The following UBE2H variants were observed in gnomAD, a reference collection of about 807,000 sequenced individuals.
UBE2H encodes ubiquitin-conjugating enzyme E2 H.
In UBE2H, 3 loss-of-function variants were observed where a neutral mutation model predicts 29.0. The ratio of observed to expected loss-of-function variants is 0.10; its 90% CI spans 0.05 to 0.27. The LOEUF (loss-of-function observed/expected upper bound fraction) is 0.27. Ranked by LOEUF, UBE2H falls within the 10% of genes least tolerant of loss-of-function variation. The pLI, the probability that UBE2H is intolerant of heterozygous loss-of-function variation, is 1.00. For synonymous variants in UBE2H, 69 were observed against 82.9 expected (o/e 0.83, Z 0.91); for missense variants, 68 against 228.2 (o/e 0.30, Z 4.52).
intron 1 of UBE2H, among the ~76,000 whole-genome samples, chr7:129,890,783 A>G (rs1198344490): frequency 2.0e-5 from 3 of 152,332 alleles, no homozygotes; most frequent in African/African-American, 4.8e-5. Flanking sequence ...TGAGGTTATC[A>G]GTGGATAAAC....
chr7:129,912,358 C>G (rs1341634626), intron 1 of UBE2H, among the ~76,000 whole-genome samples: 2 of 152,102 alleles, frequency 1.3e-5, no homozygotes, highest in African/African-American at 4.8e-5. Context: ...CGATGAGACT[C>G]AAGTCTAAAC....
Position 129,832,444 on chromosome 7 carries a change from TTAGA to T in UBE2H, c.*2489_*2492del, listed in dbSNP as rs1805245301. 6.6e-6 allele frequency: 1 copy of T among 151,788 alleles called. No individual in the cohort carries two copies. The highest frequency in any genetic ancestry group is 1.5e-5 in the Non-Finnish European group (1 of 68,202). The allele number at this position is 151,788 out of a possible 1,614,324, so 9.4% of individuals were successfully genotyped here. On this transcript the variant is annotated 3_prime_UTR_variant, in exon 7 of 7. Coordinates refer to ENST00000355621, the MANE Select transcript of UBE2H (RefSeq NM_003344.4). ...CTTATCCCACCTTCATCACACACAC[TTAGA>T]TGGACACACACACACTCTCGCTCAC...
At chr7:129,864,677 A>G (rs992532417) in intron 3 of UBE2H, among the ~76,000 whole-genome samples, 5 of 149,342 alleles carry the variant, frequency 3.3e-5, no homozygotes, top group African/African-American at 1.2e-4. Context: ...TCAGCCTCTC[A>G]AGTAGCTGGG....
intron 5 of UBE2H, among the ~76,000 whole-genome samples, chr7:129,843,857 T>C (rs1805469110): frequency 6.6e-6 from 1 of 152,192 alleles, no homozygotes. Flanking sequence ...TGCTATTACA[T>C]AACAACGAAA....
At chr7:129,869,190 G>A (rs145942329) in intron 3 of UBE2H, among the ~76,000 whole-genome samples, 9,420 of 151,864 alleles carry the variant, frequency 0.062, 365 homozygotes, top group Non-Finnish European at 0.092. Context: ...CGCCTGCCTC[G>A]GCCTCCCAAA....
intron 1 of UBE2H, among the ~76,000 whole-genome samples, chr7:129,896,929 T>C (rs777140499): frequency 6.6e-6 from 1 of 152,094 alleles, no homozygotes; most frequent in Non-Finnish European, 1.5e-5. Flanking sequence ...CTCTGTAGAG[T>C]GGTGGGTGAT....
chr7:129,913,174 C>T (rs2116452051), intron 1 of UBE2H, among the ~76,000 whole-genome samples: 1 of 151,342 alleles, frequency 6.6e-6, no homozygotes, highest in Admixed American at 6.6e-5. Flanking sequence ...ATGGCTTGAA[C>T]CCCGGAGGCA....
intron 3 of UBE2H, among the ~76,000 whole-genome samples, chr7:129,861,180 C>T (rs954466887): frequency 6.6e-6 from 1 of 151,248 alleles, no homozygotes; most frequent in African/African-American, 2.4e-5. Flanking sequence ...GCCAAGATCA[C>T]GCCACTGCAC....
intron 1 of UBE2H, among the ~76,000 whole-genome samples, chr7:129,908,455 A>G (rs1034413106): frequency 3.3e-5 from 5 of 152,202 alleles, no homozygotes; most frequent in African/African-American, 1.2e-4. Context: ...ATTTCAATAG[A>G]GTAAAGAGGG....
At chr7:129,880,864 T>C (rs769357810) in intron 2 of UBE2H, 31 bp downstream of exon 2, 7 of 1,575,350 alleles carry the variant, frequency 4.4e-6, no homozygotes, top group Non-Finnish European at 6.1e-6. Flanking sequence ...AAGACTGTAA[T>C]AGAAGAACAC....
intron 1 of UBE2H, among the ~76,000 whole-genome samples, chr7:129,928,522 G>T (rs565107319): frequency 6.6e-6 from 1 of 152,222 alleles, no homozygotes; most frequent in East Asian, 1.9e-4. Flanking sequence ...AGAATTGCTT[G>T]AACTCGGGAG....
intron 1 of UBE2H, among the ~76,000 whole-genome samples, chr7:129,893,458 A>C (rs771882407): frequency 6.6e-6 from 1 of 152,188 alleles, no homozygotes; most frequent in South Asian, 2.1e-4. Flanking sequence ...CATCCCCAAC[A>C]AAATATTTTT....
chr7:129,872,476 G>A (rs1806058631), intron 3 of UBE2H, among the ~76,000 whole-genome samples: 1 of 152,070 alleles, frequency 6.6e-6, no homozygotes, highest in South Asian at 2.1e-4. Context: ...TATAATGCCT[G>A]AACAGTCTAT....
At chr7:129,871,996 G>A (rs934151252) in intron 3 of UBE2H, among the ~76,000 whole-genome samples, 8 of 152,038 alleles carry the variant, frequency 5.3e-5, no homozygotes, top group Non-Finnish European at 7.4e-5. Context: ...ACAGGCACGC[G>A]CCACCATGCC....
intron 1 of UBE2H, among the ~76,000 whole-genome samples, chr7:129,890,075 G>T (rs866643428): frequency 5.9e-5 from 9 of 152,106 alleles, no homozygotes; most frequent in African/African-American, 2.2e-4. Flanking sequence ...TGAGTCTGTA[G>T]TAAGCTATGA....
intron 5 of UBE2H, among the ~76,000 whole-genome samples, chr7:129,840,376 C>G (rs1240197829): frequency 6.6e-6 from 1 of 151,636 alleles, no homozygotes; most frequent in Non-Finnish European, 1.5e-5. Context: ...TAAATAGAGA[C>G]AGGGTCTCCT....
intron 1 of UBE2H, among the ~76,000 whole-genome samples, chr7:129,881,462 T>C: frequency 6.6e-6 from 1 of 152,054 alleles, no homozygotes; most frequent in Non-Finnish European, 1.5e-5. Context: ...GCGTGGCCTA[T>C]ATGGTGAAAC....
At chr7:129,942,569 G>A (rs1807669583) in intron 1 of UBE2H, among the ~76,000 whole-genome samples, 1 of 152,158 alleles carries the variant, frequency 6.6e-6, no homozygotes, top group Non-Finnish European at 1.5e-5. Flanking sequence ...CTGTCACTGA[G>A]CTGCTGTTAG....
chr7:129,860,070 T>C (rs2727495), intron 3 of UBE2H, among the ~76,000 whole-genome samples: 148,403 of 152,324 alleles, frequency 0.97, 72,361 homozygotes, highest in East Asian at 1. Flanking sequence ...CGGAGTAAAA[T>C]GGGAAGAGTC....
Sources: gnomAD v4.1 joint callset for allele counts (sites outside exome capture counted in the v4.1 genomes callset) on GRCh38, gnomAD v4.1.1 for gene constraint, MANE v1.5 for transcripts, NCBI Gene and HGNC (gene_info 2026-07-23, HGNC 2026-07-21) for gene names.